Variants in MSI2 observed in about 807,000 individuals in gnomAD.
MSI2 encodes the protein musashi RNA binding protein 2.
Under a neutral mutation model 45.6 loss-of-function variants are expected in MSI2, and 17 were observed. That is an observed-to-expected ratio of 0.37 (90% confidence interval 0.26 to 0.56). The LOEUF (loss-of-function observed/expected upper bound fraction) is 0.56, where lower values mean the gene tolerates loss of function less well. Among genes scored for constraint, MSI2 ranks in the 20% least tolerant of loss-of-function variants. MSI2 has a pLI of 0.77. For synonymous variants in MSI2, 156 were observed against 158.2 expected (o/e 0.99, Z 0.11); for missense variants, 293 against 444.2 (o/e 0.66, Z 3.06).
intron 6 of MSI2, among the ~76,000 whole-genome samples, chr17:57,422,807 G>A (rs112749225): frequency 8.5e-5 from 13 of 152,156 alleles, no homozygotes; most frequent in Non-Finnish European, 1.9e-4. Flanking sequence ...ATATTACTTT[G>A]TCAAAGATTA....
intron 6 of MSI2, among the ~76,000 whole-genome samples, chr17:57,422,910 A>C (rs185093333): frequency 2.0e-5 from 3 of 152,188 alleles, no homozygotes. Flanking sequence ...GTGGCAGGGC[A>C]CCATGGGTTT....
chr17:57,269,157 T>G (rs148738259), intron 5 of MSI2, among the ~76,000 whole-genome samples: 1 of 152,196 alleles, frequency 6.6e-6, no homozygotes, highest in African/African-American at 2.4e-5. Context: ...CTGTTCTTCC[T>G]TCCGGCTAGG....
At chr17:57,688,546 C>A (rs145731397), downstream of MSI2, among the ~76,000 whole-genome samples, 208 of 152,020 alleles carry the variant, frequency 1.4e-3, no homozygotes, top group African/African-American at 4.8e-3. Flanking sequence ...ACAGGTAACC[C>A]CAGAATCTAA....
At chr17:57,583,195 G>T (rs1313143804) in intron 7 of MSI2, among the ~76,000 whole-genome samples, 2 of 152,108 alleles carry the variant, frequency 1.3e-5, no homozygotes, top group African/African-American at 4.8e-5. Flanking sequence ...ACTTTGTAAG[G>T]GTTGGTTTTC....
At chr17:57,592,295 C>T (rs1904910713) in intron 7 of MSI2, among the ~76,000 whole-genome samples, 1 of 152,092 alleles carries the variant, frequency 6.6e-6, no homozygotes, top group Admixed American at 6.5e-5. Context: ...TCACTCTATC[C>T]CAAATTTCTG....
At chr17:57,349,587 A>G (rs929582079) in intron 5 of MSI2, among the ~76,000 whole-genome samples, 28 of 152,244 alleles carry the variant, frequency 1.8e-4, no homozygotes, top group African/African-American at 6.3e-4. Flanking sequence ...TACTTGAATG[A>G]TCTGCTTTAG....
intron 10 of MSI2, among the ~76,000 whole-genome samples, chr17:57,641,464 G>A (rs747020806): frequency 2.0e-5 from 3 of 152,118 alleles, no homozygotes; most frequent in Non-Finnish European, 2.9e-5. Context: ...GATTTCAGGG[G>A]CTCAGCAAGA....
intron 7 of MSI2, among the ~76,000 whole-genome samples, chr17:57,561,774 G>A (rs2087581748): frequency 2.0e-5 from 3 of 152,140 alleles, no homozygotes; most frequent in South Asian, 2.1e-4. Flanking sequence ...TATCCAGAGG[G>A]GATCGGCTGC....
chr17:57,669,227 G>A (rs1912594179), intron 11 of MSI2, among the ~76,000 whole-genome samples: 1 of 152,218 alleles, frequency 6.6e-6, no homozygotes, highest in African/African-American at 2.4e-5. Flanking sequence ...ACTGCAGAAT[G>A]GGGTCCCCAA....
chr17:57,298,073 C>G (rs544607267), intron 5 of MSI2, among the ~76,000 whole-genome samples: 2 of 151,364 alleles, frequency 1.3e-5, no homozygotes, highest in East Asian at 3.9e-4. Flanking sequence ...CCATAAGTCA[C>G]AAATTTTTTA....
chr17:57,480,467 TC>T (rs1240637704), intron 6 of MSI2, among the ~76,000 whole-genome samples: 5 of 152,190 alleles, frequency 3.3e-5, no homozygotes, highest in African/African-American at 1.2e-4. Flanking sequence ...AAGTTCAGGC[TC>T]CAACCAGCAG....
chr17:57,672,654 G>A (rs549092484), intron 11 of MSI2, among the ~76,000 whole-genome samples: 12 of 152,324 alleles, frequency 7.9e-5, no homozygotes, highest in Admixed American at 1.3e-4. Flanking sequence ...CTACCACTGC[G>A]CCTCCTCATG....
At chr17:57,547,741 T>TACACACACACAC (rs34631177) in intron 7 of MSI2, among the ~76,000 whole-genome samples, 36 of 123,420 alleles carry the variant, frequency 2.9e-4, no homozygotes, top group East Asian at 4.7e-4. Flanking sequence ...AGACAAAAAG[T>TACACACACACAC]ACACACACAC....
chr17:57,374,789 A>G (rs2083470298), intron 5 of MSI2, among the ~76,000 whole-genome samples: 1 of 152,204 alleles, frequency 6.6e-6, no homozygotes, highest in Non-Finnish European at 1.5e-5. Context: ...ATAAATAAAA[A>G]TAAATAAATA....
At chr17:57,492,021 T>A (rs1307678476) in intron 6 of MSI2, among the ~76,000 whole-genome samples, 2 of 152,260 alleles carry the variant, frequency 1.3e-5, no homozygotes, top group Non-Finnish European at 1.5e-5. Context: ...AAAGCTTTTC[T>A]ATCTTTCTTT....
chr17:57,432,905 T>C (rs1275770654), intron 6 of MSI2, among the ~76,000 whole-genome samples: 3 of 152,182 alleles, frequency 2.0e-5, no homozygotes, highest in Non-Finnish European at 4.4e-5. Context: ...CTTGTCACGG[T>C]CCCTCTTGCT....
intron 9 of MSI2, among the ~76,000 whole-genome samples, chr17:57,620,442 A>G (rs3853825): frequency 0.15 from 22,368 of 152,214 alleles, 2,216 homozygotes; most frequent in East Asian, 0.46. Context: ...GATAGATCCC[A>G]CTTTCAGAGA....
intron 8 of MSI2, among the ~76,000 whole-genome samples, chr17:57,613,502 A>G (rs933326034): frequency 6.7e-6 from 1 of 148,430 alleles, no homozygotes; most frequent in African/African-American, 2.5e-5. Flanking sequence ...AAAAAAAAAA[A>G]TTCTAATTCC....
At chr17:57,602,831 G>A (rs1013486038) in intron 8 of MSI2, among the ~76,000 whole-genome samples, 1 of 152,160 alleles carries the variant, frequency 6.6e-6, no homozygotes, top group Admixed American at 6.5e-5. Context: ...CAGCCCCTAG[G>A]AGCTGGTTAG....
Sources: allele counts gnomAD v4.1 joint callset (sites outside exome capture counted in the v4.1 genomes callset), GRCh38; gene constraint gnomAD v4.1.1; transcripts MANE v1.5; gene names NCBI Gene and HGNC (gene_info 2026-07-23, HGNC 2026-07-21).